Variants in USP24 observed in about 807,000 individuals in gnomAD.
USP24 encodes ubiquitin specific peptidase 24.
USP24 carries 97 observed loss-of-function variants against 361.6 expected under a neutral mutation model. The observed-to-expected ratio is 0.27, with a 90% CI of 0.23 to 0.32. The LOEUF is 0.32. USP24 is among the 10% of genes least tolerant of loss of function. The pLI, the probability that USP24 is intolerant of heterozygous loss-of-function variation, is 1.00. For missense variants in USP24, 2,353 were observed against 3,165.6 expected, an observed-to-expected ratio of 0.74 and a Z score of 6.16; for synonymous variants, 1,098 against 1,124.6, an observed-to-expected ratio of 0.98 and a Z score of 0.47.
rs1644958204 is a variant in USP24, at chr1:55,215,148, G to C, written c.-35C>G. ...CTCCTGGCCGCCCCGGCCAGCGCAC[G>C]GCGAAGCTACGGGTCCCGGGCCTGG... On this transcript the variant is annotated 5_prime_UTR_variant, in exon 1 of 68. Coordinates refer to ENST00000294383, the MANE Select transcript of USP24 (RefSeq NM_015306.3). 1 of 1,219,524 alleles carries C rather than the reference G, an allele frequency of 8.2e-7. No individual in the cohort carries two copies. The highest frequency in any genetic ancestry group is 1.0e-6 in the Non-Finnish European group (1 of 976,158). The allele number at this position is 1,219,524 out of a possible 1,614,324, so 75.5% of individuals were successfully genotyped here.
At chr1:55,159,807 T>C in intron 8 of USP24, 122 bp from the exon 9 acceptor site, 1 of 849,510 alleles carries the variant, frequency 1.2e-6, no homozygotes, top group South Asian at 1.8e-5. Flanking sequence ...AATTTTCATA[T>C]CAGAGCAGCT....
intron 52 of USP24, 49 bp from the exon 53 acceptor site, chr1:55,092,965 A>G (rs772039385): frequency 1.3e-5 from 16 of 1,235,588 alleles, no homozygotes; most frequent in Middle Eastern, 2.2e-4. Flanking sequence ...AAAATATTCA[A>G]TATGTGAAGG....
intron 22 of USP24, 81 bp from the exon 23 acceptor site, chr1:55,142,876 A>T (rs1236244142): frequency 4.9e-6 from 7 of 1,429,216 alleles, no homozygotes; most frequent in Non-Finnish European, 6.6e-6. Context: ...CAAAATAAAG[A>T]AGCCAATTTT....
intron 64 of USP24, 108 bp downstream of exon 64, chr1:55,073,718 ACT>A (rs1644965612): frequency 2.9e-6 from 3 of 1,034,918 alleles, no homozygotes; most frequent in Non-Finnish European, 4.4e-6. Flanking sequence ...GCAGGCCCTG[ACT>A]GAGTCAGATT....
intron 1 of USP24, among the ~76,000 whole-genome samples, chr1:55,192,077 C>T (rs1569715634): frequency 6.6e-6 from 1 of 152,196 alleles, no homozygotes; most frequent in African/African-American, 2.4e-5. Context: ...CACATGCACA[C>T]AAAATCTACC....
intron 1 of USP24, among the ~76,000 whole-genome samples, chr1:55,186,903 G>C (rs1644147419): frequency 6.6e-6 from 1 of 152,042 alleles, no homozygotes; most frequent in African/African-American, 2.4e-5. Flanking sequence ...ACTTAAAAAT[G>C]AATAAAATGG....
intron 1 of USP24, among the ~76,000 whole-genome samples, chr1:55,211,943 T>C (rs1023883324): frequency 2.6e-5 from 4 of 152,246 alleles, no homozygotes; most frequent in Non-Finnish European, 4.4e-5. Context: ...AACTATATAA[T>C]AGCTGACAAT....
At position 55,125,651 on chromosome 1, in the gene USP24, A is replaced by G. The variant is rs1646407527; in HGVS notation, c.3731+12T>C. 1.3e-6 allele frequency: 2 copies of G among 1,585,656 alleles called. No individual in the cohort carries two copies. The highest frequency in any genetic ancestry group is 1.7e-6 in the Non-Finnish European group (2 of 1,164,246). The stretch of plus-strand genomic sequence containing the variant: ...TATTGCCTGGTAAGACTAATGCAAT[A>G]TATTTACATACCTTGCAAGCTGTAG... On this transcript the variant is annotated intron_variant, in intron 33 of 67. Coordinates refer to ENST00000294383, the MANE Select transcript of USP24 (RefSeq NM_015306.3).
intron 19 of USP24, 131 bp downstream of exon 19, chr1:55,146,798 A>G: frequency 1.0e-6 from 1 of 1,001,900 alleles, no homozygotes; most frequent in Non-Finnish European, 1.4e-6. Flanking sequence ...TTTTTTCAGC[A>G]CTTACAGTTC....
chr1:55,135,501 C>G (rs2100661124), intron 28 of USP24, among the ~76,000 whole-genome samples: 1 of 152,260 alleles, frequency 6.6e-6, no homozygotes, highest in Admixed American at 6.5e-5. Context: ...ATAAAATTAC[C>G]TTCAGGCTGT....
rs199613844 is a variant in USP24 at position 55,092,242 on chromosome 1, ATAAAGT to A, written c.6451-122_6451-117del. The A allele has an allele frequency of 1.7e-3, 951 of 557,822 alleles. 4 individuals carry two copies. Among genetic ancestry groups the A allele is most frequent in the African/African-American group, 0.016 (812 of 51,486 alleles). The allele number at this position is 557,822 out of a possible 1,614,324, so 34.6% of individuals were successfully genotyped here. A position where few individuals can be genotyped will look rare whatever the true frequency, so the allele number is the denominator to read the frequency against. ...TATATGAATATGATATACACACATG[ATAAAGT>A]TAAATACTAATAAGAAGAATCTTGC... is the stretch of plus-strand genomic sequence containing the variant. On this transcript the variant is annotated intron_variant, in intron 53 of 67. Transcript: ENST00000294383.
chr1:55,156,077 T>C (rs781558424), intron 12 of USP24, among the ~76,000 whole-genome samples: 30 of 152,306 alleles, frequency 2.0e-4, no homozygotes, highest in Admixed American at 3.3e-4. Context: ...AGTGACTAAG[T>C]TGATACAGTC....
At chr1:55,127,399 A>G (rs1446356640) in intron 32 of USP24, among the ~76,000 whole-genome samples, 7 of 152,268 alleles carry the variant, frequency 4.6e-5, no homozygotes, top group Non-Finnish European at 1.0e-4. Flanking sequence ...ACATGAACTC[A>G]TCCTTTTTTA....
At chr1:55,119,317 A>G (rs1259229900) in intron 38 of USP24, among the ~76,000 whole-genome samples, 2 of 152,248 alleles carry the variant, frequency 1.3e-5, no homozygotes, top group African/African-American at 4.8e-5. Flanking sequence ...AGCCAGACAT[A>G]TAAGGACAAA....
At chr1:55,081,201 T>A (rs746470335) in intron 59 of USP24, 121 bp downstream of exon 59, 116 of 961,492 alleles carry the variant, frequency 1.2e-4, no homozygotes, top group Non-Finnish European at 1.8e-4. Context: ...AAATTTTAAG[T>A]GCACCTCAAC....
chr1:55,087,909 A>C (rs750025729), intron 55 of USP24, among the ~76,000 whole-genome samples: 3 of 152,222 alleles, frequency 2.0e-5, no homozygotes, highest in African/African-American at 7.2e-5. Context: ...GTTCCAGATA[A>C]GGAATAACAG....
chr1:55,130,723 T>C (rs1270450982), intron 31 of USP24, among the ~76,000 whole-genome samples: 1 of 152,196 alleles, frequency 6.6e-6, no homozygotes, highest in Non-Finnish European at 1.5e-5. Flanking sequence ...TGACCCCAGC[T>C]GCCTCATGCT....
chr1:55,138,487 T>C, intron 26 of USP24, 121 bp downstream of exon 26: 1 of 642,830 alleles, frequency 1.6e-6, no homozygotes, highest in East Asian at 2.8e-5. Flanking sequence ...AGGTCTTTAT[T>C]CTACATTTGT....
At position 55,165,873 on chromosome 1, in the gene USP24, A is replaced by G; in HGVS notation, c.927+12T>C. 1 of 1,586,502 alleles carries G rather than the reference A, an allele frequency of 6.3e-7. No individual in the cohort carries two copies. Among genetic ancestry groups the G allele is most frequent in the Non-Finnish European group, 8.6e-7 (1 of 1,163,390 alleles). On this transcript the variant is annotated intron_variant, in intron 7 of 67. Coordinates refer to ENST00000294383, the MANE Select transcript of USP24 (RefSeq NM_015306.3). ...AATTTCCACAGTGAGCATATACAGT[A>G]GTTTAACTTACCCCAAGTTCTATAT...
Sources: allele counts gnomAD v4.1 joint callset (sites outside exome capture counted in the v4.1 genomes callset), GRCh38; gene constraint gnomAD v4.1.1; transcripts MANE v1.5; gene names NCBI Gene and HGNC (gene_info 2026-07-23, HGNC 2026-07-21).